ERC1: variants seen among roughly 807,000 people sequenced by gnomAD.
The protein encoded by ERC1 is RAB6 interacting protein 2.
A neutral mutation model predicts 132.0 loss-of-function variants in ERC1; 56 were observed. That is an observed-to-expected ratio of 0.42 (90% CI 0.34 to 0.53). The LOEUF (loss-of-function observed/expected upper bound fraction) is 0.53, where lower values mean the gene tolerates loss of function less well. Ranked by LOEUF, ERC1 falls within the 20% of genes least tolerant of loss-of-function variation. The pLI, the probability that ERC1 is intolerant of heterozygous loss-of-function variation, is 0.03. For synonymous variants in ERC1, 478 were observed against 476.1 expected, an observed-to-expected ratio of 1.00 and a Z score of -0.05; for missense variants, 1,202 against 1,349.9, an observed-to-expected ratio of 0.89 and a Z score of 1.72.
chr12:1,345,665 T>C (rs1009925335), intron 15 of ERC1, among the ~76,000 whole-genome samples: 3 of 152,190 alleles, frequency 2.0e-5, no homozygotes, highest in South Asian at 2.1e-4. Context: ...TTTAATGATA[T>C]AGTTTTATAT....
chr12:1,234,518 T>C (rs2075283762), intron 12 of ERC1, among the ~76,000 whole-genome samples: 1 of 152,248 alleles, frequency 6.6e-6, no homozygotes, highest in Non-Finnish European at 1.5e-5. Flanking sequence ...TCAATGTGAT[T>C]GGAATCAAAA....
intron 18 of ERC1, among the ~76,000 whole-genome samples, chr12:1,484,050 A>G (rs985252803): frequency 2.0e-5 from 3 of 147,228 alleles, no homozygotes; most frequent in South Asian, 2.2e-4. Context: ...TCACGCCTGT[A>G]ATCCCAGCAC....
chr12:1,167,471 C>G (rs1361450584), intron 8 of ERC1, among the ~76,000 whole-genome samples: 2 of 152,132 alleles, frequency 1.3e-5, no homozygotes, highest in African/African-American at 2.4e-5. Flanking sequence ...GATGAAGCAG[C>G]CTTTTATGCT....
At chr12:1,041,029 A>G (rs1015323196) in intron 2 of ERC1, among the ~76,000 whole-genome samples, 1 of 152,180 alleles carries the variant, frequency 6.6e-6, no homozygotes. Context: ...TGTATATTGT[A>G]AAAATTATTA....
At chr12:1,285,643 G>A (rs2078992734) in intron 14 of ERC1, among the ~76,000 whole-genome samples, 1 of 152,092 alleles carries the variant, frequency 6.6e-6, no homozygotes, top group Non-Finnish European at 1.5e-5. Context: ...TGAGAAAAAT[G>A]AGGCAGTAAT....
At chr12:1,236,138 A>G (rs1566337219) in intron 12 of ERC1, among the ~76,000 whole-genome samples, 1 of 152,170 alleles carries the variant, frequency 6.6e-6, no homozygotes, top group Non-Finnish European at 1.5e-5. Flanking sequence ...ATATATATAT[A>G]TGTAGCAAAA....
chr12:1,483,173 A>G (rs2154432161), intron 18 of ERC1, among the ~76,000 whole-genome samples: 1 of 152,262 alleles, frequency 6.6e-6, no homozygotes, highest in South Asian at 2.1e-4. Flanking sequence ...TGGCATGTGC[A>G]TATAGTCCCA....
intron 1 of ERC1, among the ~76,000 whole-genome samples, chr12:998,101 G>A (rs925814373): frequency 6.6e-6 from 1 of 152,112 alleles, no homozygotes; most frequent in African/African-American, 2.4e-5. Context: ...TGCATTTGCT[G>A]TGTATCTCCA....
At chr12:1,139,841 C>T (rs191841691) in intron 7 of ERC1, among the ~76,000 whole-genome samples, 21 of 151,184 alleles carry the variant, frequency 1.4e-4, no homozygotes, top group Non-Finnish European at 2.7e-4. Context: ...ATGCTATGGA[C>T]AAAGGGTAGA....
chr12:1,001,060 C>T (rs565347253), intron 1 of ERC1, among the ~76,000 whole-genome samples: 29 of 152,216 alleles, frequency 1.9e-4, no homozygotes, highest in Admixed American at 4.6e-4. Context: ...TGGGCAACCA[C>T]GCCTGGCTAA....
At chr12:1,068,931 A>C (rs1939809984) in intron 2 of ERC1, among the ~76,000 whole-genome samples, 1 of 152,182 alleles carries the variant, frequency 6.6e-6, no homozygotes, top group Non-Finnish European at 1.5e-5. Flanking sequence ...GCACATTAAG[A>C]CACAAAAGGT....
intron 8 of ERC1, among the ~76,000 whole-genome samples, chr12:1,163,835 C>G (rs1330560080): frequency 6.6e-6 from 1 of 152,206 alleles, no homozygotes; most frequent in East Asian, 1.9e-4. Context: ...CATGCCTCAG[C>G]CTCCCTAGTA....
chr12:1,493,341 G>C lies in ERC1; in HGVS notation c.*3111G>C, dbSNP rs926516960. ...GCGGATCACCTGAGATCAGGAGTTC[G>C]AGGCCAGCCTGGCCAAGATGGCAAA... On this transcript the variant is annotated 3_prime_UTR_variant, in exon 19 of 19. Transcript: ENST00000360905. The C allele has an allele frequency of 5.6e-6, 1 of 177,548 alleles. No individual in the cohort carries two copies. Among genetic ancestry groups the C allele is most frequent in the Non-Finnish European group, 1.2e-5 (1 of 82,918 alleles). 11.0% of individuals were successfully genotyped at this position (177,548 alleles called of 1,614,324 possible). A position where few individuals can be genotyped will look rare whatever the true frequency, so the allele number is the denominator to read the frequency against.
intron 18 of ERC1, among the ~76,000 whole-genome samples, chr12:1,452,527 C>G (rs547285290): frequency 6.6e-6 from 1 of 152,272 alleles, no homozygotes; most frequent in South Asian, 2.1e-4. Flanking sequence ...TCAGATATAT[C>G]TTCTGCCCAC....
At chr12:1,484,022 C>T in intron 18 of ERC1, among the ~76,000 whole-genome samples, 1 of 150,898 alleles carries the variant, frequency 6.6e-6, no homozygotes, top group South Asian at 2.2e-4. Flanking sequence ...AATCTTTGTT[C>T]CAGCCGGGCG....
chr12:1,105,460 C>T (rs1289815482), intron 4 of ERC1, among the ~76,000 whole-genome samples: 1 of 152,092 alleles, frequency 6.6e-6, no homozygotes, highest in East Asian at 1.9e-4. Flanking sequence ...CGGGTTCACG[C>T]CATTCTCCTG....
intron 15 of ERC1, among the ~76,000 whole-genome samples, chr12:1,359,348 A>G (rs59986130): frequency 0.037 from 5,656 of 152,300 alleles, 381 homozygotes; most frequent in African/African-American, 0.13. Context: ...TAAGACTGTA[A>G]GGAACAGTCT....
At chr12:1,286,509 A>G (rs1349662569) in intron 14 of ERC1, among the ~76,000 whole-genome samples, 1 of 152,162 alleles carries the variant, frequency 6.6e-6, no homozygotes, top group Admixed American at 6.5e-5. Context: ...AAACTTATAA[A>G]GGATTCTTTT....
chr12:1,259,033 G>A (rs1425335005), intron 13 of ERC1, among the ~76,000 whole-genome samples: 2 of 152,032 alleles, frequency 1.3e-5, no homozygotes, highest in Non-Finnish European at 2.9e-5. Context: ...GATCCCTATT[G>A]ATTTCTTCAT....
Sources: allele counts gnomAD v4.1 joint callset (sites outside exome capture counted in the v4.1 genomes callset), GRCh38; gene constraint gnomAD v4.1.1; transcripts MANE v1.5; gene names NCBI Gene and HGNC (gene_info 2026-07-23, HGNC 2026-07-21).